The following CNTNAP2 variants were observed in gnomAD, a reference collection of about 807,000 sequenced individuals.
CNTNAP2 encodes the protein contactin associated protein 2.
Under a neutral mutation model 155.2 loss-of-function variants are expected in CNTNAP2, and 98 were observed. That is an observed-to-expected ratio of 0.63 (90% CI 0.54 to 0.75). The LOEUF is 0.75. Among genes scored for constraint, CNTNAP2 ranks in the 30% least tolerant of loss-of-function variants. The pLI is 0.00. For synonymous variants in CNTNAP2, 651 were observed against 631.2 expected, an observed-to-expected ratio of 1.03 and a Z score of -0.47; for missense variants, 1,727 against 1,688.1, an observed-to-expected ratio of 1.02 and a Z score of -0.40.
chr7:146,525,150 ATTAC>A (rs1344200441), intron 1 of CNTNAP2, among the ~76,000 whole-genome samples: 1 of 151,928 alleles, frequency 6.6e-6, no homozygotes, highest in Non-Finnish European at 1.5e-5. Flanking sequence ...TAATTTTATT[ATTAC>A]TTGGTAAAAT....
chr7:146,767,723 T>A (rs2129184901), intron 1 of CNTNAP2, among the ~76,000 whole-genome samples: 1 of 152,326 alleles, frequency 6.6e-6, no homozygotes, highest in East Asian at 1.9e-4. Context: ...CATACATTTT[T>A]ATAGCATACT....
intron 1 of CNTNAP2, among the ~76,000 whole-genome samples, chr7:146,696,386 T>C (rs1318153724): frequency 6.6e-6 from 1 of 152,184 alleles, no homozygotes; most frequent in Non-Finnish European, 1.5e-5. Flanking sequence ...TTTTCATTTC[T>C]GATCTTAGTG....
intron 15 of CNTNAP2, among the ~76,000 whole-genome samples, chr7:148,076,867 T>C (rs1301330559): frequency 1.3e-5 from 2 of 152,316 alleles, no homozygotes; most frequent in African/African-American, 2.4e-5. Flanking sequence ...TAGCAATCTA[T>C]TTGAAACAAG....
intron 1 of CNTNAP2, among the ~76,000 whole-genome samples, chr7:146,735,459 G>A (rs971341170): frequency 6.6e-6 from 1 of 152,082 alleles, no homozygotes; most frequent in Non-Finnish European, 1.5e-5. Context: ...GGAGGCTGAG[G>A]CAGGAGAATG....
At chr7:146,183,900 C>T (rs925152619) in intron 1 of CNTNAP2, among the ~76,000 whole-genome samples, 13 of 152,176 alleles carry the variant, frequency 8.5e-5, no homozygotes, top group African/African-American at 1.9e-4. Flanking sequence ...GGCTCACACT[C>T]GGAATCTTTT....
chr7:148,174,945 C>T (rs1167941845), intron 18 of CNTNAP2, among the ~76,000 whole-genome samples: 1 of 152,152 alleles, frequency 6.6e-6, no homozygotes, highest in East Asian at 1.9e-4. Context: ...GTGTGATGTT[C>T]CCCTCCCTGT....
chr7:147,304,644 A>T (rs907970812), intron 9 of CNTNAP2, among the ~76,000 whole-genome samples: 4 of 152,164 alleles, frequency 2.6e-5, no homozygotes, highest in African/African-American at 9.7e-5. Flanking sequence ...GTACCAAAGC[A>T]AGTGGTGAAG....
intron 11 of CNTNAP2, among the ~76,000 whole-genome samples, chr7:147,552,939 G>A (rs1183582215): frequency 3.3e-5 from 5 of 152,122 alleles, no homozygotes; most frequent in Non-Finnish European, 7.3e-5. Context: ...GACAGTGCAA[G>A]ACACAGGATA....
intron 13 of CNTNAP2, among the ~76,000 whole-genome samples, chr7:147,757,369 T>G (rs1420733682): frequency 6.6e-6 from 1 of 152,148 alleles, no homozygotes; most frequent in Non-Finnish European, 1.5e-5. Flanking sequence ...GAAACAAAAT[T>G]CCAGGCAGAA....
chr7:147,799,524 T>C (rs1797953902), intron 13 of CNTNAP2, among the ~76,000 whole-genome samples: 1 of 152,036 alleles, frequency 6.6e-6, no homozygotes, highest in African/African-American at 2.4e-5. Flanking sequence ...CTACAAAGCA[T>C]TGTAAAAATG....
chr7:147,472,967 C>T (rs1487842870), intron 10 of CNTNAP2, among the ~76,000 whole-genome samples: 1 of 152,178 alleles, frequency 6.6e-6, no homozygotes, highest in African/African-American at 2.4e-5. Context: ...TTAGAGCCTT[C>T]TTAGAGAAAG....
At chr7:148,295,422 A>G (rs1437233414) in intron 21 of CNTNAP2, among the ~76,000 whole-genome samples, 1 of 152,122 alleles carries the variant, frequency 6.6e-6, no homozygotes, top group African/African-American at 2.4e-5. Context: ...TTCCTTTTAG[A>G]CATTTTTGAC....
chr7:147,097,057 C>T (rs766246571), intron 4 of CNTNAP2, among the ~76,000 whole-genome samples: 1 of 152,136 alleles, frequency 6.6e-6, no homozygotes, highest in Non-Finnish European at 1.5e-5. Context: ...TATATTGCAC[C>T]ATATGCATAA....
At chr7:148,156,367 C>T (rs750765031) in intron 17 of CNTNAP2, among the ~76,000 whole-genome samples, 12 of 152,278 alleles carry the variant, frequency 7.9e-5, no homozygotes, top group Admixed American at 4.6e-4. Context: ...ATGTCTCCTG[C>T]GCTCTTTCCT....
chr7:147,751,810 A>T (rs963425221), intron 13 of CNTNAP2, among the ~76,000 whole-genome samples: 10 of 152,224 alleles, frequency 6.6e-5, no homozygotes, highest in African/African-American at 2.4e-4. Context: ...CCTCTTAGGT[A>T]CCTGCATTAT....
intron 11 of CNTNAP2, among the ~76,000 whole-genome samples, chr7:147,559,939 G>A (rs559337996): frequency 1.1e-4 from 17 of 151,212 alleles, no homozygotes; most frequent in African/African-American, 4.1e-4. Context: ...GAGAGGCCGA[G>A]GCGCAGATCA....
intron 9 of CNTNAP2, among the ~76,000 whole-genome samples, chr7:147,359,160 T>C (rs538273759): frequency 6.6e-6 from 1 of 152,300 alleles, no homozygotes; most frequent in Admixed American, 6.5e-5. Flanking sequence ...ACTGTGCTCT[T>C]AATCTTTGTT....
At chr7:147,441,903 G>A (rs138707444) in intron 10 of CNTNAP2, among the ~76,000 whole-genome samples, 14 of 131,168 alleles carry the variant, frequency 1.1e-4, no homozygotes, top group African/African-American at 3.4e-4. Flanking sequence ...TCTGAGCCAC[G>A]TGGAGCTGGG....
chr7:146,992,377 C>A (rs1210013909), intron 3 of CNTNAP2, among the ~76,000 whole-genome samples: 1 of 151,224 alleles, frequency 6.6e-6, no homozygotes. Flanking sequence ...CTTAGTTCAG[C>A]TGGAAACAGT....
Sources: gnomAD v4.1 joint callset for allele counts (sites outside exome capture counted in the v4.1 genomes callset) on GRCh38, gnomAD v4.1.1 for gene constraint, MANE v1.5 for transcripts, NCBI Gene and HGNC (gene_info 2026-07-23, HGNC 2026-07-21) for gene names.